Variants in UBE2E1 observed in about 807,000 individuals in gnomAD.
The protein encoded by UBE2E1 is ubiquitin-conjugating enzyme E2 E1.
Under a neutral mutation model 21.4 loss-of-function variants are expected in UBE2E1, and 6 were observed. The ratio of observed to expected loss-of-function variants is 0.28; its 90% CI spans 0.15 to 0.55. The LOEUF (loss-of-function observed/expected upper bound fraction) is 0.55, where lower values mean the gene tolerates loss of function less well. Among genes scored for constraint, UBE2E1 ranks in the 20% least tolerant of loss-of-function variants. UBE2E1 has a pLI of 0.93. For synonymous variants in UBE2E1, 87 were observed against 82.7 expected (o/e 1.05, Z -0.28); for missense variants, 142 against 236.5 (o/e 0.60, Z 2.62).
intron 3 of UBE2E1, among the ~76,000 whole-genome samples, chr3:23,833,574 A>G (rs987254736): frequency 1.3e-5 from 2 of 152,258 alleles, no homozygotes; most frequent in Non-Finnish European, 2.9e-5. Context: ...CAGATGAACA[A>G]GATGTCGGAA....
In UBE2E1 at chr3:23,808,062, C is replaced by T. The variant is rs1025208021; in HGVS notation, c.152+641C>T. Among the ~76,000 whole-genome samples, 3 of 152,184 alleles carry T rather than the reference C, an allele frequency of 2.0e-5. No individual in the cohort carries two copies. Among genetic ancestry groups the T allele is most frequent in the Non-Finnish European group, 4.4e-5 (3 of 68,002 alleles). ...TTTAAAAACTTCAGTTTACCAATTT[C>T]AGGGAGACTTGTCTTTTTTTCATGC... is the stretch of plus-strand genomic sequence containing the variant. On this transcript the variant is annotated intron_variant, in intron 2 of 5. Coordinates refer to ENST00000306627, the MANE Select transcript of UBE2E1 (RefSeq NM_003341.5). This position sits in a 1 kb window ranked among gnomAD's most constrained non-coding sequence, Gnocchi z 4.9.
At chr3:23,850,681 G>GTTTTTTT (rs550418701) in intron 3 of UBE2E1, among the ~76,000 whole-genome samples, 2 of 104,314 alleles carry the variant, frequency 1.9e-5, no homozygotes, top group Non-Finnish European at 4.0e-5. Context: ...ACACCTGATT[G>GTTTTTTT]TTTTTTTTTT....
intron 3 of UBE2E1, among the ~76,000 whole-genome samples, chr3:23,845,561 T>TTCTCTCTCTCTCTCTCTCTCTC: frequency 7.3e-6 from 1 of 137,010 alleles, no homozygotes; most frequent in Non-Finnish European, 1.6e-5. Context: ...CTGTTTTGGT[T>TTCTCTCTCTCTCTCTCTCTCTC]TCTCTCTCTC....
At chr3:23,840,804 T>G (rs899865997) in intron 3 of UBE2E1, among the ~76,000 whole-genome samples, 1 of 152,236 alleles carries the variant, frequency 6.6e-6, no homozygotes, top group African/African-American at 2.4e-5. Flanking sequence ...GCTCTGGTAC[T>G]TGTGAACTCT....
intron 3 of UBE2E1, among the ~76,000 whole-genome samples, chr3:23,837,443 AG>A (rs1699995563): frequency 6.6e-6 from 1 of 152,228 alleles, no homozygotes; most frequent in Non-Finnish European, 1.5e-5. Context: ...TCAAAAAGAT[AG>A]TAATGTGTTA....
intron 3 of UBE2E1, among the ~76,000 whole-genome samples, chr3:23,855,156 T>C (rs1700407227): frequency 6.6e-6 from 1 of 152,244 alleles, no homozygotes; most frequent in Non-Finnish European, 1.5e-5. Context: ...AAGCAGTCTT[T>C]GGGTTTAAGT....
chr3:23,835,553 A>G (rs1332634522), intron 3 of UBE2E1, among the ~76,000 whole-genome samples: 1 of 152,088 alleles, frequency 6.6e-6, no homozygotes, highest in Non-Finnish European at 1.5e-5. Context: ...CCTGCATTAA[A>G]ACAAAACTCA....
chr3:23,852,298 A>G lies in UBE2E1; in HGVS notation c.204-35269A>G, dbSNP rs79309088. Among the ~76,000 whole-genome samples the G allele has an allele frequency of 4.6e-3, 701 of 152,276 alleles. 4 individuals are homozygous for G. Among genetic ancestry groups the G allele is most frequent in the Non-Finnish European group, 7.5e-3 (509 of 68,020 alleles). On this transcript the variant is annotated intron_variant, in intron 3 of 5. Transcript: ENST00000306627. Reference sequence around the variant, plus strand: ...TTTATATTTCCCTTAATTTATTTCAATGATGGTTTTTAGTCTGCAGTGTAC... The same window carrying G: ...TTTATATTTCCCTTAATTTATTTCAGTGATGGTTTTTAGTCTGCAGTGTAC...
intron 3 of UBE2E1, among the ~76,000 whole-genome samples, chr3:23,862,897 TA>T (rs1281812871): frequency 6.6e-6 from 1 of 152,140 alleles, no homozygotes. Flanking sequence ...AGCTAATTTT[TA>T]AATTTTTTGT....
chr3:23,827,937 T>G (rs1699791728), intron 3 of UBE2E1, among the ~76,000 whole-genome samples: 1 of 152,176 alleles, frequency 6.6e-6, no homozygotes, highest in Admixed American at 6.5e-5. Flanking sequence ...ACTTGCTGTT[T>G]TCAGTATGCC....
chr3:23,872,954 T>C (rs1400713322), intron 3 of UBE2E1, among the ~76,000 whole-genome samples: 1 of 151,878 alleles, frequency 6.6e-6, no homozygotes, highest in Non-Finnish European at 1.5e-5. Flanking sequence ...GAGGCAGAGG[T>C]TGCAGTGAGC....
intron 5 of UBE2E1, chr3:23,889,728 CT>C: frequency 1.0e-6 from 1 of 985,212 alleles, no homozygotes; most frequent in Non-Finnish European, 1.2e-6. Context: ...TGAATTGTGA[CT>C]TTTTTGGGAC....
chr3:23,841,788 C>A (rs1194274998), intron 3 of UBE2E1, among the ~76,000 whole-genome samples: 1 of 152,148 alleles, frequency 6.6e-6, no homozygotes, highest in Non-Finnish European at 1.5e-5. Context: ...AATTTGAAAT[C>A]CAATGGGTTG....
intron 3 of UBE2E1, among the ~76,000 whole-genome samples, chr3:23,861,072 A>G (rs1700544729): frequency 6.6e-6 from 1 of 152,234 alleles, no homozygotes; most frequent in African/African-American, 2.4e-5. Context: ...CAGGCCAGAA[A>G]AAGACAGTTT....
rs746093181 is a variant in UBE2E1 at position 23,807,432 on chromosome 3, C to G, written c.152+11C>G. 2 of 1,444,712 alleles carry G rather than the reference C, an allele frequency of 1.4e-6. No homozygotes were observed. Among genetic ancestry groups the G allele is most frequent in the Non-Finnish European group, 1.9e-6 (2 of 1,067,708 alleles). 89.5% of individuals were successfully genotyped at this position (1,444,712 alleles called of 1,614,324 possible). On this transcript the variant is annotated intron_variant, in intron 2 of 5. Transcript: ENST00000306627. ...CACCAGCGCCAAGAGGTACTGTGCT[C>G]TTTTTTTTTTCCACAGGCTTCCTAT...
At chr3:23,877,661 T>C (rs1310630131) in intron 3 of UBE2E1, among the ~76,000 whole-genome samples, 1 of 152,048 alleles carries the variant, frequency 6.6e-6, no homozygotes, top group Admixed American at 6.6e-5. Flanking sequence ...ATATGGGTGT[T>C]TGGGGGGGTT....
At chr3:23,882,527 G>A (rs555856969) in intron 3 of UBE2E1, among the ~76,000 whole-genome samples, 33 of 152,262 alleles carry the variant, frequency 2.2e-4, no homozygotes, top group Admixed American at 1.3e-3. Flanking sequence ...CGCACTGTGC[G>A]CCCACACTCC....
In UBE2E1 at chr3:23,816,113, A is replaced by G. The variant is rs1470087730; in HGVS notation, c.203+4603A>G. On this transcript the variant is annotated intron_variant, in intron 3 of 5. Transcript: ENST00000306627. This position sits in a 1 kb window ranked among gnomAD's most constrained non-coding sequence, Gnocchi z 4.8. ...GCGGTTGTGTTTACCAAAAGACTAT[A>G]TCTGGATTGTAAAACTGTACTATTG... is the stretch of plus-strand genomic sequence containing the variant. 6.6e-6 allele frequency among the ~76,000 whole-genome samples: 1 copy of G among 152,214 alleles called. No individual in the cohort carries two copies. The highest frequency in any genetic ancestry group is 1.5e-5 in the Non-Finnish European group (1 of 68,036).
intron 5 of UBE2E1, chr3:23,889,509 G>T: frequency 6.5e-6 from 9 of 1,380,202 alleles, no homozygotes; most frequent in Admixed American, 7.0e-5. Context: ...TGGGCTTTTA[G>T]TTTCAATTAT....
Sources: gnomAD v4.1 joint callset for allele counts (sites outside exome capture counted in the v4.1 genomes callset) on GRCh38, gnomAD v4.1.1 for gene constraint, Gnocchi (gnomAD v3.1) non-coding constraint, MANE v1.5 for transcripts, NCBI Gene and HGNC (gene_info 2026-07-23, HGNC 2026-07-21) for gene names.